The following ENTPD5 variants were observed in gnomAD, a reference collection of about 807,000 sequenced individuals.
ENTPD5 encodes the protein nucleoside diphosphate phosphatase ENTPD5.
ENTPD5 carries 49 observed loss-of-function variants against 60.2 expected under a neutral mutation model. That is an observed-to-expected ratio of 0.81 (90% CI 0.65 to 1.03). The LOEUF is 1.03. Among genes scored for constraint, ENTPD5 ranks in the 50% least tolerant of loss-of-function variants. ENTPD5 has a pLI of 0.00. For missense variants in ENTPD5, 480 were observed against 507.6 expected, an observed-to-expected ratio of 0.95 and a Z score of 0.52; for synonymous variants, 187 against 185.4, an observed-to-expected ratio of 1.01 and a Z score of -0.07.
intron 3 of ENTPD5, among the ~76,000 whole-genome samples, chr14:74,006,315 G>A (rs1192699478): frequency 2.4e-5 from 3 of 125,774 alleles, no homozygotes; most frequent in African/African-American, 5.9e-5. Flanking sequence ...ACGGAGTCTC[G>A]CTCTGCTGCC....
chr14:73,978,182 C>T (rs1305577044), intron 6 of ENTPD5, among the ~76,000 whole-genome samples: 1 of 152,094 alleles, frequency 6.6e-6, no homozygotes, highest in Non-Finnish European at 1.5e-5. Context: ...CAGGATGAAG[C>T]ACAGCAAGAG....
chr14:73,963,256 T>G lies in ENTPD5; in HGVS notation c.*3672A>C, dbSNP rs2056836889. 2 of 562,750 alleles carry G rather than the reference T, an allele frequency of 3.6e-6. No homozygotes were observed. Among genetic ancestry groups the G allele is most frequent in the East Asian group, 2.9e-5 (1 of 34,944 alleles). The allele number at this position is 562,750 out of a possible 1,614,324, so 34.9% of individuals were successfully genotyped here. ...TTGGTTGAAAAGAGCTTTTTATTAC[T>G]AAAAAACCCACAAGGTGCTGTCTCA... is the stretch of plus-strand genomic sequence containing the variant. On this transcript the variant is annotated 3_prime_UTR_variant, in exon 16 of 16. Coordinates refer to ENST00000334696, the MANE Select transcript of ENTPD5 (RefSeq NM_001249.5).
chr14:73,971,898 C>G lies in ENTPD5; in HGVS notation c.1038G>C (p.Lys346Asn), dbSNP rs761340054. ...AATCTTCAACTTTTAAAATACCCCCCTTTTCATAATCTGAAATAAAACAGA... is the reference window on the plus strand; with the variant it reads ...AATCTTCAACTTTTAAAATACCCCCGTTTTCATAATCTGAAATAAAACAGA... ...AVDTDMIDYE[K>N]GGILKVEDFE... The change falls in exon 14 of 16, where the codon AAG becomes AAC. Residue 346 changes from lysine (K) to asparagine (N), a missense_variant. By Grantham distance (94) the Lys-to-Asn change is moderately conservative. Coordinates refer to ENST00000334696, the MANE Select transcript of ENTPD5 (RefSeq NM_001249.5). 5 of 1,592,950 alleles carry G rather than the reference C, an allele frequency of 3.1e-6. No individual in the cohort carries two copies. Among genetic ancestry groups the G allele is most frequent in the African/African-American group, 1.3e-5 (1 of 74,374 alleles).
chr14:73,975,034 A>G (rs777709064), intron 10 of ENTPD5, 49 bp from the exon 11 acceptor site: 1 of 1,376,366 alleles, frequency 7.3e-7, no homozygotes, highest in Non-Finnish European at 1.0e-6. Context: ...GAAGTTCTCT[A>G]GCCTAAAGCT....
Position 73,965,995 on chromosome 14 carries a change from A to C in ENTPD5, c.*933T>G, listed in dbSNP as rs1360337022. The C allele has an allele frequency of 6.6e-6, 1 of 152,218 alleles. No homozygotes were observed. The highest frequency in any genetic ancestry group is 2.4e-5 in the African/African-American group (1 of 41,440). The allele number at this position is 152,218 out of a possible 1,614,324, so 9.4% of individuals were successfully genotyped here. A position where few individuals can be genotyped will look rare whatever the true frequency, so the allele number is the denominator to read the frequency against. Reference sequence around the variant, plus strand: ...GGAAGGTACTGTTACAAACGGAGAGAATAAAAGGGCAAACTGAAATAATAG... The same window carrying C: ...GGAAGGTACTGTTACAAACGGAGAGCATAAAAGGGCAAACTGAAATAATAG... On this transcript the variant is annotated 3_prime_UTR_variant, in exon 16 of 16. Coordinates refer to ENST00000334696, the MANE Select transcript of ENTPD5 (RefSeq NM_001249.5).
At position 73,974,976 on chromosome 14, in the gene ENTPD5, T is replaced by A; in HGVS notation, c.732A>T (p.Gly244=). The change falls in exon 11 of 16, where the codon GGA becomes GGT. Residue 244 remains glycine, a synonymous_variant. Coordinates refer to ENST00000334696, the MANE Select transcript of ENTPD5 (RefSeq NM_001249.5). The stretch of plus-strand genomic sequence containing the variant: ...CTAGTCTTGCAGCTTTCAATCCAAA[T>A]CCCAGGTAACTGTAAAATACAGGAT... ...TYKLYTHSYL[G]FGLKAARLAT... The A allele has an allele frequency of 6.2e-7, 1 of 1,613,156 alleles. No individual in the cohort carries two copies. Among genetic ancestry groups the A allele is most frequent in the Non-Finnish European group, 8.5e-7 (1 of 1,179,256 alleles).
chr14:73,969,311 CACTTGCATCCT>C (rs2057117682), intron 15 of ENTPD5, among the ~76,000 whole-genome samples: 1 of 152,154 alleles, frequency 6.6e-6, no homozygotes, highest in Non-Finnish European at 1.5e-5. Flanking sequence ...GAGAGTGTGG[CACTTGCATCCT>C]GCTTGCACCG....
At chr14:73,979,621 A>G (rs9323593) in intron 6 of ENTPD5, among the ~76,000 whole-genome samples, 98,308 of 151,428 alleles carry the variant, frequency 0.65, 32,087 homozygotes, top group South Asian at 0.74. Context: ...ACAGGTGCCT[A>G]CCACCACGCC....
intron 3 of ENTPD5, among the ~76,000 whole-genome samples, chr14:73,990,592 G>A (rs1368777123): frequency 1.3e-5 from 2 of 151,892 alleles, no homozygotes; most frequent in Non-Finnish European, 2.9e-5. Flanking sequence ...GCCTCCCAAA[G>A]TGCTGGGATT....
At chr14:74,006,599 TA>T (rs1566765857) in intron 3 of ENTPD5, among the ~76,000 whole-genome samples, 3 of 150,662 alleles carry the variant, frequency 2.0e-5, no homozygotes, top group African/African-American at 7.3e-5. Context: ...TTTTTTTTTT[TA>T]AATGAGAAGA....
In ENTPD5 at chr14:74,009,591, TCCTTCTAAATA is replaced by T. The variant is rs373289522; in HGVS notation, c.-71+1489_-71+1499del. Among the ~76,000 whole-genome samples, 546 of 152,336 alleles carry T rather than the reference TCCTTCTAAATA, an allele frequency of 3.6e-3. 4 individuals carry two copies. The highest frequency in any genetic ancestry group is 0.012 in the African/African-American group (515 of 41,570). Reference sequence around the variant, plus strand: ...CACCAAATGTGGCTTTAAAATGCTTTCCTTCTAAATACCAAAAAAACTTGGGGTTTTTAAAA... The same window carrying T: ...CACCAAATGTGGCTTTAAAATGCTTTCCAAAAAAACTTGGGGTTTTTAAAA... On this transcript the variant is annotated intron_variant, in intron 3 of 15. Coordinates refer to ENST00000334696, the MANE Select transcript of ENTPD5 (RefSeq NM_001249.5).
intron 2 of ENTPD5, among the ~76,000 whole-genome samples, chr14:74,014,382 C>G (rs957302857): frequency 9.2e-6 from 1 of 108,230 alleles, no homozygotes; most frequent in African/African-American, 3.1e-5. Context: ...GTCTTTACTC[C>G]CCCCCCCCAC....
intron 2 of ENTPD5, among the ~76,000 whole-genome samples, chr14:74,014,499 C>T (rs1034300358): frequency 6.6e-5 from 10 of 152,032 alleles, no homozygotes; most frequent in Non-Finnish European, 2.9e-5. Flanking sequence ...TGCAGTGAGT[C>T]ATGATTGCAC....
chr14:73,960,007 A>AC, downstream of ENTPD5: 1 of 1,029,008 alleles, frequency 9.7e-7, no homozygotes, highest in Non-Finnish European at 1.2e-6. Context: ...ATAAATAATA[A>AC]CCTTTTGAGG....
chr14:73,959,563 G>A, downstream of ENTPD5: 1 of 1,614,018 alleles, frequency 6.2e-7, no homozygotes. Flanking sequence ...GCTGCAGGGG[G>A]AGATACAGAA....
At chr14:73,961,492 G>A (rs1191162784), downstream of ENTPD5, 7 of 1,614,130 alleles carry the variant, frequency 4.3e-6, no homozygotes, top group Non-Finnish European at 5.9e-6. Flanking sequence ...TGCAGGACAG[G>A]GTGTCAACAT....
chr14:73,998,230 T>C (rs1393121222), intron 3 of ENTPD5, among the ~76,000 whole-genome samples: 1 of 152,136 alleles, frequency 6.6e-6, no homozygotes, highest in African/African-American at 2.4e-5. Context: ...TAGGAGCATC[T>C]GAAGCCTGTT....
intron 10 of ENTPD5, among the ~76,000 whole-genome samples, chr14:73,975,287 C>CT (rs1384098381): frequency 1.3e-5 from 2 of 152,152 alleles, no homozygotes; most frequent in African/African-American, 4.8e-5. Context: ...CTAGCCCCAA[C>CT]TGGGATCACA....
rs1450439545 is a variant in ENTPD5 at position 73,966,224 on chromosome 14, T to G, written c.*704A>C. 2 of 152,172 alleles carry G rather than the reference T, an allele frequency of 1.3e-5. No homozygotes were observed. Among genetic ancestry groups the G allele is most frequent in the Non-Finnish European group, 2.9e-5 (2 of 68,030 alleles). 9.4% of individuals were successfully genotyped at this position (152,172 alleles called of 1,614,324 possible). A position where few individuals can be genotyped will look rare whatever the true frequency, so the allele number is the denominator to read the frequency against. ...TTAATCCCAGAGTTGACTGATAAAA[T>G]GCTGATTAAAGCAAAGGTAGGCTAT... On this transcript the variant is annotated 3_prime_UTR_variant, in exon 16 of 16. Transcript: ENST00000334696.
Sources: gnomAD v4.1 joint callset for allele counts (sites outside exome capture counted in the v4.1 genomes callset) on GRCh38, gnomAD v4.1.1 for gene constraint, MANE v1.5 for transcripts, NCBI Gene and HGNC (gene_info 2026-07-23, HGNC 2026-07-21) for gene names.